Variants in CAST observed in about 807,000 individuals in gnomAD.
CAST encodes the protein MIR583 host.
Under a neutral mutation model 119.6 loss-of-function variants are expected in CAST, and 76 were observed. The ratio of observed to expected loss-of-function variants is 0.64; its 90% confidence interval spans 0.53 to 0.77. CAST has a LOEUF of 0.77. CAST is among the 30% of genes least tolerant of loss of function. The pLI is 0.00. For synonymous variants in CAST, 319 were observed against 331.6 expected (o/e 0.96, Z 0.41); for missense variants, 953 against 946.5 (o/e 1.01, Z -0.09).
At chr5:96,286,982 G>A in the CAST span, among the ~76,000 whole-genome samples, 1 of 152,006 alleles carries the variant, frequency 6.6e-6, no homozygotes, top group Non-Finnish European at 1.5e-5. Context: ...TACTTATGTT[G>A]AAAAGTAGAA....
chr5:96,162,560 G>C, the CAST span, among the ~76,000 whole-genome samples: 1 of 152,150 alleles, frequency 6.6e-6, no homozygotes, highest in Non-Finnish European at 1.5e-5. Context: ...TGGGATTACA[G>C]GCGTGTGCCA....
At chr5:96,503,317 T>C in the CAST span, among the ~76,000 whole-genome samples, 1 of 152,216 alleles carries the variant, frequency 6.6e-6, no homozygotes, top group African/African-American at 2.4e-5. Flanking sequence ...GTTCACAATA[T>C]ATTCTCCTAT....
chr5:96,292,149 G>A, the CAST span, among the ~76,000 whole-genome samples: 9 of 152,230 alleles, frequency 5.9e-5, no homozygotes, highest in South Asian at 1.9e-3. Flanking sequence ...ACTACAAACA[G>A]AGGCTTCAAG....
intron 1 of CAST, among the ~76,000 whole-genome samples, chr5:96,651,222 T>G (rs1449481431): frequency 1.3e-5 from 2 of 152,196 alleles, no homozygotes; most frequent in Non-Finnish European, 2.9e-5. Context: ...ACTGTCTAGT[T>G]AGAAAGCAGA....
the CAST span, among the ~76,000 whole-genome samples, chr5:96,179,351 T>G: frequency 9.2e-5 from 14 of 152,240 alleles, no homozygotes; most frequent in Admixed American, 9.2e-4. Context: ...CTCTGTCCTT[T>G]CTTCTCCTGG....
At chr5:96,529,775 G>A (rs1745657815), upstream of CAST, 1 of 435,976 alleles carries the variant, frequency 2.3e-6, no homozygotes, top group African/African-American at 2.1e-5. Flanking sequence ...GTTTTATGAG[G>A]GGCTTCCCCT....
the CAST span, among the ~76,000 whole-genome samples, chr5:96,491,851 C>T: frequency 4.7e-4 from 72 of 152,356 alleles, no homozygotes; most frequent in African/African-American, 1.7e-3. Context: ...TACAATGAAT[C>T]TCTCAAACAT....
chr5:96,714,044 C>T (rs1432312910), intron 3 of CAST, among the ~76,000 whole-genome samples: 3 of 152,146 alleles, frequency 2.0e-5, no homozygotes, highest in Non-Finnish European at 4.4e-5. Flanking sequence ...AAGAAACTTT[C>T]GAGGCTGTTG....
At chr5:96,641,788 T>C (rs1747954233) in intron 1 of CAST, among the ~76,000 whole-genome samples, 1 of 152,200 alleles carries the variant, frequency 6.6e-6, no homozygotes, top group Admixed American at 6.5e-5. Flanking sequence ...TTTTTGGATC[T>C]TCTAAGTTCA....
chr5:96,189,612 T>C, the CAST span, among the ~76,000 whole-genome samples: 2 of 152,222 alleles, frequency 1.3e-5, no homozygotes, highest in East Asian at 3.9e-4. Flanking sequence ...GGGACCCCTA[T>C]TGGTTGAGCA....
chr5:96,662,381 C>A lies in CAST; in HGVS notation c.-42C>A, dbSNP rs574337274. 3 of 1,385,030 alleles carry A rather than the reference C, an allele frequency of 2.2e-6. No homozygotes were observed. Among genetic ancestry groups the A allele is most frequent in the South Asian group, 1.4e-5 (1 of 69,148 alleles). 85.8% of individuals were successfully genotyped at this position (1,385,030 alleles called of 1,614,324 possible). A position where few individuals can be genotyped will look rare whatever the true frequency, so the allele number is the denominator to read the frequency against. Reference sequence around the variant, plus strand: ...CCCCGCCAGGCCTCCCCGCCACTCTCCGCGGCGCATTCCGGGAGGCAGCGG... The same window carrying A: ...CCCCGCCAGGCCTCCCCGCCACTCTACGCGGCGCATTCCGGGAGGCAGCGG... On this transcript the variant is annotated 5_prime_UTR_variant, in exon 1 of 32. Coordinates refer to ENST00000675179, the MANE Select transcript of CAST (RefSeq NM_001750.7).
In CAST at chr5:96,773,197, A is replaced by G. The variant is rs998449849; in HGVS notation, c.*581A>G. 6.5e-6 allele frequency: 1 copy of G among 153,774 alleles called. No individual in the cohort carries two copies. Among genetic ancestry groups the G allele is most frequent in the African/African-American group, 2.4e-5 (1 of 41,428 alleles). 9.5% of individuals were successfully genotyped at this position (153,774 alleles called of 1,614,324 possible). A position where few individuals can be genotyped will look rare whatever the true frequency, so the allele number is the denominator to read the frequency against. On this transcript the variant is annotated 3_prime_UTR_variant, in exon 32 of 32. Coordinates refer to ENST00000675179, the MANE Select transcript of CAST (RefSeq NM_001750.7). ...TCTCCTCTTGGGCTGCTAATAATAA[A>G]TTAATAACAGGTAACCTGGACAAAC... is the stretch of plus-strand genomic sequence containing the variant.
chr5:96,610,966 C>T (rs1747350287), intron 1 of CAST, among the ~76,000 whole-genome samples: 1 of 151,934 alleles, frequency 6.6e-6, no homozygotes, highest in Admixed American at 6.6e-5. Context: ...ATGCGTCTAA[C>T]CGTGGAGGGG....
At chr5:96,089,244 AAT>A in the CAST span, among the ~76,000 whole-genome samples, 93,845 of 151,484 alleles carry the variant, frequency 0.62, 29,261 homozygotes, top group South Asian at 0.68. Flanking sequence ...AGTAGGAATG[AAT>A]ATATATTTCG....
rs553343339 is a variant in CAST at position 96,671,865 on chromosome 5, C to T, written c.76-3674C>T. Among the ~76,000 whole-genome samples, 10 of 152,312 alleles carry T rather than the reference C, an allele frequency of 6.6e-5. No individual in the cohort carries two copies. In the South Asian group the frequency reaches 2.1e-3, roughly 32 times the overall value. On this transcript the variant is annotated intron_variant, in intron 1 of 31. Transcript: ENST00000675179. ...GAGCTGGATCGAATTTGACATATGT[C>T]ATTCCCAAGTATTTCATTCCATCCT...
chr5:96,757,325 C>G, intron 22 of CAST, 119 bp from the exon 23 acceptor site: 1 of 910,274 alleles, frequency 1.1e-6, no homozygotes, highest in East Asian at 2.4e-5. Context: ...CATGATGGAT[C>G]TAATTTAAAA....
intron 1 of CAST, among the ~76,000 whole-genome samples, chr5:96,648,693 G>A (rs1748053494): frequency 6.8e-6 from 1 of 147,860 alleles, no homozygotes; most frequent in African/African-American, 2.5e-5. Context: ...TGTGAAACTG[G>A]GAGAAGTTTT....
intron 1 of CAST, among the ~76,000 whole-genome samples, chr5:96,651,914 C>T (rs926904946): frequency 1.3e-5 from 2 of 152,284 alleles, no homozygotes; most frequent in East Asian, 1.9e-4. Flanking sequence ...GGAATAAAGA[C>T]ACACATATTT....
the CAST span, among the ~76,000 whole-genome samples, chr5:96,454,879 CT>C: frequency 6.6e-6 from 1 of 152,184 alleles, no homozygotes; most frequent in Non-Finnish European, 1.5e-5. Flanking sequence ...CTGCTAATCT[CT>C]TTTGCCAATA....
Sources: allele counts gnomAD v4.1 joint callset (sites outside exome capture counted in the v4.1 genomes callset), GRCh38; gene constraint gnomAD v4.1.1; transcripts MANE v1.5; gene names NCBI Gene and HGNC (gene_info 2026-07-23, HGNC 2026-07-21).